Variants in PGA5 observed in about 807,000 individuals in gnomAD.
PGA5 encodes the protein pepsin A-5.
A neutral mutation model predicts 15.9 loss-of-function variants in PGA5; 19 were observed. The observed-to-expected ratio is 1.19, with a 90% CI of 0.83 to 1.75. PGA5 has a LOEUF of 1.75. Among genes scored for constraint, PGA5 ranks in the 40% most tolerant of loss-of-function variants. PGA5 has a pLI of 0.00. For missense variants in PGA5, 224 were observed against 246.4 expected (o/e 0.91, Z 0.61); for synonymous variants, 92 against 95.8 (o/e 0.96, Z 0.23).
intron 6 of PGA5, among the ~76,000 whole-genome samples, chr11:61,249,130 C>G (rs1854105502): frequency 6.6e-6 from 1 of 151,956 alleles, no homozygotes; most frequent in Admixed American, 6.6e-5. Flanking sequence ...CCCAGGCAAA[C>G]CAGGACACAT....
rs773700346 is a variant in PGA5, at chr11:61,251,161, G to T, written c.1047G>T (p.Gln349His). ...AGGGGAGCTGCATCAGTGGCTTCCA[G>T]GGCATGAACGTCCCCACCGAATCTG... ...QSEGSCISGF[Q>H]GMNVPTESGE... Residue 349 changes from glutamine (Q) to histidine (H), a missense_variant, in exon 9 of 9, where the codon CAG becomes CAT. Coordinates refer to ENST00000312403, the MANE Select transcript of PGA5 (RefSeq NM_014224.5). The T allele has an allele frequency of 1.9e-6, 3 of 1,611,812 alleles. No individual in the cohort carries two copies. Among genetic ancestry groups the T allele is most frequent in the Non-Finnish European group, 2.5e-6 (3 of 1,179,862 alleles).
chr11:61,250,104 A>C, intron 8 of PGA5, 90 bp downstream of exon 8: 1 of 1,512,950 alleles, frequency 6.6e-7, no homozygotes, highest in Non-Finnish European at 9.0e-7. Flanking sequence ...CACTTCCACG[A>C]GCTGAAGCCA....
chr11:61,245,800 C>T, intron 4 of PGA5, 146 bp from the exon 5 acceptor site: 1 of 90,618 alleles, frequency 1.1e-5, no homozygotes, highest in Non-Finnish European at 1.8e-5. Context: ...TTCCAGCAGA[C>T]AGTCCCTCTG....
chr11:61,246,390 C>A (rs1389979575), intron 5 of PGA5, among the ~76,000 whole-genome samples: 1 of 151,688 alleles, frequency 6.6e-6, no homozygotes, highest in Non-Finnish European at 1.5e-5. Context: ...ATGTGCACAA[C>A]TCAAATGTCA....
chr11:61,251,324 G>T lies in PGA5; in HGVS notation c.*43G>T. The T allele has an allele frequency of 6.2e-7, 1 of 1,611,628 alleles. No homozygotes were observed. Among genetic ancestry groups the T allele is most frequent in the East Asian group, 2.2e-5 (1 of 44,902 alleles). The stretch of plus-strand genomic sequence containing the variant: ...CACCTCCCAGGAAGATCTGGCCTCC[G>T]TCCTATGCCCACTTTAGATGTATCT... On this transcript the variant is annotated 3_prime_UTR_variant, in exon 9 of 9. Coordinates refer to ENST00000312403, the MANE Select transcript of PGA5 (RefSeq NM_014224.5).
chr11:61,248,684 C>G lies in PGA5; in HGVS notation c.773+149C>G, dbSNP rs186290272. The stretch of plus-strand genomic sequence containing the variant: ...AGGGGGAAGGTGGAAGTTGGCCAAG[C>G]CAAAGAGACCCCTAGAAAGACACCT... On this transcript the variant is annotated intron_variant, in intron 6 of 8. Coordinates refer to ENST00000312403, the MANE Select transcript of PGA5 (RefSeq NM_014224.5). 14 of 1,539,166 alleles carry G rather than the reference C, an allele frequency of 9.1e-6. No individual in the cohort carries two copies. In the East Asian group the frequency reaches 3.2e-4, roughly 35 times the overall value.
intron 5 of PGA5, among the ~76,000 whole-genome samples, chr11:61,246,937 T>C (rs1854072628): frequency 6.6e-6 from 1 of 152,002 alleles, no homozygotes; most frequent in South Asian, 2.1e-4. Context: ...TAGGTTCCAT[T>C]TGTGACCGGG....
chr11:61,246,599 T>C (rs1854067991), intron 5 of PGA5, among the ~76,000 whole-genome samples: 1 of 151,516 alleles, frequency 6.6e-6, no homozygotes, highest in African/African-American at 2.4e-5. Flanking sequence ...CTGTCTCTAC[T>C]AAAAAATACA....
At position 61,251,258 on chromosome 11, in the gene PGA5, G is replaced by A. The variant is rs750108141; in HGVS notation, c.1144G>A (p.Val382Ile). ...FTVFDRANNQ[V>I]GLAPVA Reference sequence around the variant, plus strand: ...CGTCTTCGACAGGGCAAACAACCAGGTCGGCCTGGCCCCTGTGGCTTAAGC... The same window carrying A: ...CGTCTTCGACAGGGCAAACAACCAGATCGGCCTGGCCCCTGTGGCTTAAGC... Residue 382 changes from valine (V) to isoleucine (I), a missense_variant, in exon 9 of 9, where the codon GTC becomes ATC. By Grantham distance (29) the Val-to-Ile change is conservative (BLOSUM62 3). Transcript: ENST00000312403. 1.5e-5 allele frequency: 24 copies of A among 1,611,840 alleles called. No individual in the cohort carries two copies. In the South Asian group the frequency reaches 2.4e-4, roughly 16 times the overall value.
rs1297039546 is a variant in PGA5, at chr11:61,246,063, TC to T, written c.576del (p.Ser193ProfsTer35). 2 of 424,700 alleles carry T rather than the reference TC, an allele frequency of 4.7e-6. No homozygotes were observed. Among genetic ancestry groups the T allele is most frequent in the South Asian group, 4.5e-5 (2 of 44,926 alleles). 26.3% of individuals were successfully genotyped at this position (424,700 alleles called of 1,614,324 possible). A position where few individuals can be genotyped will look rare whatever the true frequency, so the allele number is the denominator to read the frequency against. ...ILGLAYPSIS[S>X]SGATPVFDNI... is the part of the protein sequence containing the mutation. The stretch of plus-strand genomic sequence containing the variant: ...GGGGCTGGCCTACCCCAGCATTTCC[TC>T]CTCCGGGGCCACACCCGTCTTTGAC... On this transcript the variant is annotated frameshift_variant, in exon 5 of 9. Transcript: ENST00000312403. LOFTEE classifies it high-confidence loss of function.
intron 6 of PGA5, among the ~76,000 whole-genome samples, chr11:61,249,053 G>A (rs901376658): frequency 2.6e-5 from 4 of 152,040 alleles, no homozygotes; most frequent in Non-Finnish European, 5.9e-5. Context: ...GTGCTCAGTG[G>A]TGTGGGTTTT....
chr11:61,250,932 C>T (rs918168209), intron 8 of PGA5, among the ~76,000 whole-genome samples, 200 bp from the exon 9 acceptor site: 2 of 151,684 alleles, frequency 1.3e-5, no homozygotes, highest in African/African-American at 2.4e-5. Context: ...TCCAGTAATG[C>T]GTAGAAACCA....
At position 61,249,933 on chromosome 11, in the gene PGA5, A is replaced by G. The variant is rs890613813; in HGVS notation, c.936A>G (p.Ser312=). The G allele has an allele frequency of 1.2e-6, 2 of 1,613,486 alleles. No homozygotes were observed. The highest frequency in any genetic ancestry group is 1.7e-6 in the Non-Finnish European group (2 of 1,179,804). The change falls in exon 8 of 9, where the codon TCA becomes TCG. Residue 312 remains serine (S), a synonymous_variant. Coordinates refer to ENST00000312403, the MANE Select transcript of PGA5 (RefSeq NM_014224.5). ...CTTTCCAGATGGTGGTCAGCTGCTCAGCCATCAGCAGCCTGCCCGACATCG... is the reference window on the plus strand; with the variant it reads ...CTTTCCAGATGGTGGTCAGCTGCTCGGCCATCAGCAGCCTGCCCGACATCG... ...NSDGDMVVSC[S]AISSLPDIVF... is the part of the protein sequence containing the mutation.
intron 6 of PGA5, 72 bp from the exon 7 acceptor site, chr11:61,249,597 C>T (rs1786898643): frequency 5.0e-6 from 8 of 1,612,564 alleles, no homozygotes; most frequent in Non-Finnish European, 6.8e-6. Context: ...TGTCTGGGCT[C>T]ACCTCCTGGT....
At position 61,249,715 on chromosome 11, in the gene PGA5, G is replaced by A. The variant is rs766153732; in HGVS notation, c.820G>A (p.Ala274Thr). ...ETIACAEGCQ[A>T]IVDTGTSLLT... The stretch of plus-strand genomic sequence containing the variant: ...CATCGCCTGTGCTGAGGGCTGCCAG[G>A]CCATTGTTGACACCGGCACCTCTCT... The change falls in exon 7 of 9, where the codon GCC becomes ACC. Residue 274 changes from alanine (A) to threonine (T), a missense_variant. Coordinates refer to ENST00000312403, the MANE Select transcript of PGA5 (RefSeq NM_014224.5). The A allele has an allele frequency of 6.2e-7, 1 of 1,613,472 alleles. No homozygotes were observed. Among genetic ancestry groups the A allele is most frequent in the South Asian group, 1.1e-5 (1 of 91,046 alleles).
chr11:61,246,138 C>T lies in PGA5; in HGVS notation c.649C>T (p.Leu217Phe). The part of the protein sequence containing the change: ...LVSQDLFSVY[L>F]SADDKSGSVV... Reference sequence around the variant, plus strand: ...TTCTCAGGACCTCTTCTCTGTCTACCTCAGCGCGTAAGTTGAGTGGAGAGG... The same window carrying T: ...TTCTCAGGACCTCTTCTCTGTCTACTTCAGCGCGTAAGTTGAGTGGAGAGG... The change falls in exon 5 of 9, where the codon CTC becomes TTC. Residue 217 changes from leucine to phenylalanine, a missense_variant. Transcript: ENST00000312403. The T allele has an allele frequency of 2.4e-6, 1 of 408,920 alleles. No individual in the cohort carries two copies. Among genetic ancestry groups the T allele is most frequent in the Non-Finnish European group, 4.3e-6 (1 of 233,542 alleles). 25.3% of individuals were successfully genotyped at this position (408,920 alleles called of 1,614,324 possible). A position where few individuals can be genotyped will look rare whatever the true frequency, so the allele number is the denominator to read the frequency against.
intron 4 of PGA5, chr11:61,245,739 T>C (rs1484080690): frequency 1.3e-5 from 1 of 74,902 alleles, no homozygotes; most frequent in African/African-American, 3.1e-4. Flanking sequence ...TCATAGACTG[T>C]AGCCATCTGG....
intron 5 of PGA5, among the ~76,000 whole-genome samples, chr11:61,247,554 G>A (rs1042006834): frequency 2.0e-5 from 3 of 152,056 alleles, no homozygotes; most frequent in Non-Finnish European, 4.4e-5. Flanking sequence ...TGGGATTACA[G>A]GCATGAGCCA....
rs757034799 is a variant in PGA5, at chr11:61,251,195, T to C, written c.1081T>C (p.Trp361Arg). ...CGTCCCCACCGAATCTGGAGAGCTT[T>C]GGATCCTGGGTGATGTCTTCATCCG... is the stretch of plus-strand genomic sequence containing the variant. ...MNVPTESGELWILGDVFIRQY... is the reference protein window; with the variant it reads ...MNVPTESGELRILGDVFIRQY... Residue 361 changes from tryptophan (W) to arginine (R), a missense_variant, in exon 9 of 9, where the codon TGG becomes CGG. Coordinates refer to ENST00000312403, the MANE Select transcript of PGA5 (RefSeq NM_014224.5). 1 of 1,611,850 alleles carries C rather than the reference T, an allele frequency of 6.2e-7. No individual in the cohort carries two copies. The highest frequency in any genetic ancestry group is 8.5e-7 in the Non-Finnish European group (1 of 1,179,858).
Sources: gnomAD v4.1 joint callset for allele counts (sites outside exome capture counted in the v4.1 genomes callset) on GRCh38, gnomAD v4.1.1 for gene constraint, MANE v1.5 for transcripts, NCBI Gene and HGNC (gene_info 2026-07-23, HGNC 2026-07-21) for gene names.